ESR1: variants seen among roughly 807,000 people sequenced by gnomAD.
The protein encoded by ESR1 is estrogen receptor.
A neutral mutation model predicts 52.7 loss-of-function variants in ESR1; 12 were observed. The ratio of observed to expected loss-of-function variants is 0.23; its 90% CI spans 0.15 to 0.37. ESR1 has a LOEUF of 0.37. ESR1 is among the 10% of genes least tolerant of loss of function. The pLI, the probability that ESR1 is intolerant of heterozygous loss-of-function variation, is 1.00. For missense variants in ESR1, 584 were observed against 779.7 expected (o/e 0.75, Z 2.99); for synonymous variants, 305 against 316.8 (o/e 0.96, Z 0.39).
At chr6:151,901,221 G>T (rs866584337) in intron 3 of ESR1, among the ~76,000 whole-genome samples, 1 of 152,156 alleles carries the variant, frequency 6.6e-6, no homozygotes, top group South Asian at 2.1e-4. Flanking sequence ...TCAGGAATGT[G>T]GGGGAAAGCC....
rs1245370240 is a variant in ESR1 at position 152,061,164 on chromosome 6, T to A, written c.1369+40T>A. The A allele has an allele frequency of 1.2e-6, 2 of 1,603,092 alleles. No homozygotes were observed. The highest frequency in any genetic ancestry group is 1.7e-5 in the Admixed American group (1 of 59,958). Reference sequence around the variant, plus strand: ...CAAGATAACTCAATGCTGGATGAAATGTTTATTTGTAGTTTTCAACCAGAT... The same window carrying A: ...CAAGATAACTCAATGCTGGATGAAAAGTTTATTTGTAGTTTTCAACCAGAT... On this transcript the variant is annotated intron_variant, in intron 6 of 7. Coordinates refer to ENST00000206249, the MANE Select transcript of ESR1 (RefSeq NM_000125.4). The surrounding 1 kb of genome is among the most constrained non-coding windows in gnomAD (Gnocchi z 4.3).
chr6:151,754,178 C>T (rs973091519), intron 2 of ESR1, among the ~76,000 whole-genome samples: 9 of 152,138 alleles, frequency 5.9e-5, no homozygotes, highest in East Asian at 3.9e-4. Context: ...AAGAAGCAAA[C>T]GTTTATTTTA....
chr6:151,921,757 T>C (rs2031725561), intron 3 of ESR1, among the ~76,000 whole-genome samples: 1 of 152,218 alleles, frequency 6.6e-6, no homozygotes, highest in Non-Finnish European at 1.5e-5. Context: ...TGTCTGTTCA[T>C]GTCCTCTTCC....
At chr6:151,802,992 CAAA>C (rs34766229), upstream of ESR1, among the ~76,000 whole-genome samples, 1 of 120,798 alleles carries the variant, frequency 8.3e-6, no homozygotes, top group Non-Finnish European at 1.9e-5. Context: ...AACTCTGTCT[CAAA>C]AAAAAAAAAA....
At chr6:151,834,361 T>G (rs561480267) in intron 1 of ESR1, among the ~76,000 whole-genome samples, 14 of 152,290 alleles carry the variant, frequency 9.2e-5, no homozygotes, top group African/African-American at 3.1e-4. Flanking sequence ...TGGAATACTA[T>G]GCAGACATAA....
chr6:151,767,721 C>CTT (rs1785178190), intron 2 of ESR1, among the ~76,000 whole-genome samples: 1 of 152,130 alleles, frequency 6.6e-6, no homozygotes, highest in South Asian at 2.1e-4. Context: ...GAAAGATTTT[C>CTT]TTAACCCAAG....
intron 3 of ESR1, among the ~76,000 whole-genome samples, chr6:151,882,184 T>A (rs6903108): frequency 3.9e-5 from 6 of 152,120 alleles, no homozygotes; most frequent in African/African-American, 1.4e-4. Context: ...GAGATTATGA[T>A]GAAGACAAGC....
intron 3 of ESR1, among the ~76,000 whole-genome samples, chr6:151,942,814 CTT>C (rs1056534427): frequency 4.6e-5 from 7 of 152,074 alleles, no homozygotes; most frequent in African/African-American, 1.7e-4. Context: ...GTTGTATTAA[CTT>C]TTTATCAAAA....
chr6:151,903,735 A>G (rs893467470), intron 3 of ESR1, among the ~76,000 whole-genome samples: 12 of 152,188 alleles, frequency 7.9e-5, no homozygotes, highest in Admixed American at 2.0e-4. Flanking sequence ...CTGTCCCACC[A>G]GTGCCCAGCT....
intron 3 of ESR1, among the ~76,000 whole-genome samples, chr6:151,905,971 T>C (rs1194507313): frequency 6.6e-6 from 1 of 152,182 alleles, no homozygotes; most frequent in Non-Finnish European, 1.5e-5. Context: ...ACGCTAAGCA[T>C]GTGGGAGTTA....
At position 152,034,226 on chromosome 6, in the gene ESR1, C is replaced by T. The variant is rs144028609; in HGVS notation, c.1235+22432C>T. On this transcript the variant is annotated intron_variant, in intron 5 of 7. Coordinates refer to ENST00000206249, the MANE Select transcript of ESR1 (RefSeq NM_000125.4). ...ATGGGTGCAGCACACCAACATGGCA[C>T]ATGTATGCATATGTAACAAACCTGC... Among the ~76,000 whole-genome samples the T allele has an allele frequency of 9.2e-3, 1,401 of 152,028 alleles. 10 individuals carry two copies. Among genetic ancestry groups the T allele is most frequent in the Non-Finnish European group, 0.014 (952 of 67,986 alleles).
rs576976904 is a variant in ESR1, at chr6:151,904,204, A to G, written c.760+23433A>G. Among the ~76,000 whole-genome samples, 23 of 152,346 alleles carry G rather than the reference A, an allele frequency of 1.5e-4. No individual in the cohort carries two copies. The South Asian group carries it at 4.8e-3, about 32-fold the overall frequency. On this transcript the variant is annotated intron_variant, in intron 3 of 7. Coordinates refer to ENST00000206249, the MANE Select transcript of ESR1 (RefSeq NM_000125.4). ...AGAAAATTTATTAGTAATCTGAAGC[A>G]TAAAACCAAATATTACAACTATCAT...
At chr6:151,949,010 T>C (rs911874503) in intron 4 of ESR1, among the ~76,000 whole-genome samples, 2 of 152,212 alleles carry the variant, frequency 1.3e-5, no homozygotes, top group African/African-American at 4.8e-5. Context: ...CTGAGCCCTG[T>C]TACAGCTCAA....
intron 3 of ESR1, among the ~76,000 whole-genome samples, chr6:151,891,355 A>T (rs552503072): frequency 2.6e-5 from 4 of 152,312 alleles, no homozygotes; most frequent in South Asian, 4.1e-4. Context: ...GCAAAAATAA[A>T]TGATTCTTGA....
At chr6:151,691,756 C>G (rs1351928695) in intron 1 of ESR1, among the ~76,000 whole-genome samples, 1 of 152,164 alleles carries the variant, frequency 6.6e-6, no homozygotes, top group African/African-American at 2.4e-5. Context: ...CTGAAACGTA[C>G]AGAGAACTTA....
intron 4 of ESR1, 115 bp from the exon 5 acceptor site, chr6:152,011,540 AT>A: frequency 8.7e-7 from 1 of 1,155,254 alleles, no homozygotes; most frequent in Non-Finnish European, 1.3e-6. Flanking sequence ...TTCGTATTGC[AT>A]TTACTCCATC....
chr6:151,672,361 G>T (rs11755786), intron 1 of ESR1, among the ~76,000 whole-genome samples: 22,209 of 150,842 alleles, frequency 0.15, 1,653 homozygotes, highest in African/African-American at 0.16. Context: ...TTTTGAGACG[G>T]AGTCTTGCTC....
At chr6:151,848,515 T>C (rs915181761) in intron 2 of ESR1, among the ~76,000 whole-genome samples, 1 of 151,820 alleles carries the variant, frequency 6.6e-6, no homozygotes, top group Non-Finnish European at 1.5e-5. Flanking sequence ...GAGATCTTAG[T>C]TCTTTTGGGC....
At chr6:151,670,111 C>T (rs967557099) in intron 1 of ESR1, among the ~76,000 whole-genome samples, 4 of 152,202 alleles carry the variant, frequency 2.6e-5, no homozygotes, top group East Asian at 3.9e-4. Flanking sequence ...GTAACTCCTC[C>T]ATTCTCCCCC....
Sources: gnomAD v4.1 joint callset for allele counts (sites outside exome capture counted in the v4.1 genomes callset) on GRCh38, gnomAD v4.1.1 for gene constraint, Gnocchi (gnomAD v3.1) non-coding constraint, MANE v1.5 for transcripts, NCBI Gene and HGNC (gene_info 2026-07-23, HGNC 2026-07-21) for gene names.